The following DMTN variants were observed in gnomAD, a reference collection of about 807,000 sequenced individuals.
The protein encoded by DMTN is dematin.
A neutral mutation model predicts 59.4 loss-of-function variants in DMTN; 27 were observed. That is an observed-to-expected ratio of 0.45 (90% CI 0.33 to 0.63). The LOEUF is 0.63. Ranked by LOEUF, DMTN falls within the 20% of genes least tolerant of loss-of-function variation. The pLI, the probability that DMTN is intolerant of heterozygous loss-of-function variation, is 0.02. For synonymous variants in DMTN, 221 were observed against 203.7 expected (o/e 1.08, Z -0.72); for missense variants, 451 against 528.9 (o/e 0.85, Z 1.45).
Position 22,081,534 on chromosome 8 carries a change from G to A in DMTN, c.*71G>A, listed in dbSNP as rs1824296557. 5.7e-6 allele frequency: 8 copies of A among 1,406,170 alleles called. No homozygotes were observed. The South Asian group carries it at 5.8e-5, about 10-fold the overall frequency. The allele number at this position is 1,406,170 out of a possible 1,614,324, so 87.1% of individuals were successfully genotyped here. A position where few individuals can be genotyped will look rare whatever the true frequency, so the allele number is the denominator to read the frequency against. On this transcript the variant is annotated 3_prime_UTR_variant, in exon 16 of 16. Coordinates refer to ENST00000358242, the MANE Select transcript of DMTN (RefSeq NM_001387751.1). ...AGGGTTTTTCCCCGGCGGGTTGGGA[G>A]GGGCAGGAGGTGGGGTGGAAATAGG... is the stretch of plus-strand genomic sequence containing the variant.
At chr8:22,076,627 T>G (rs2131385998) in intron 10 of DMTN, among the ~76,000 whole-genome samples, 1 of 151,834 alleles carries the variant, frequency 6.6e-6, no homozygotes, top group South Asian at 2.1e-4. Flanking sequence ...ACTATATATA[T>G]ATATACACGA....
chr8:22,051,189 A>T (rs920224740), upstream of DMTN, among the ~76,000 whole-genome samples: 2 of 152,304 alleles, frequency 1.3e-5, no homozygotes, highest in South Asian at 4.1e-4. Context: ...GGATGTGACC[A>T]GGTGGAGGGA....
intron 1 of DMTN, among the ~76,000 whole-genome samples, chr8:22,061,282 C>CAAA (rs533576492): frequency 3.0e-5 from 2 of 66,528 alleles, no homozygotes; most frequent in African/African-American, 5.2e-5. Flanking sequence ...GACCCTGTCT[C>CAAA]AAAAAAAAAA....
At chr8:22,061,815 G>A (rs1343265313) in intron 1 of DMTN, among the ~76,000 whole-genome samples, 1 of 146,324 alleles carries the variant, frequency 6.8e-6, no homozygotes, top group African/African-American at 2.6e-5. Context: ...GTGCAGTGGT[G>A]TAATCATAGC....
rs778674264 is a variant in DMTN, at chr8:22,073,720, C to T, written c.730-10C>T. ...AAGTCTTGGCTCCATCTTCCTTTCT[C>T]CCTCCTCAGGTTACTTCCAACTTGG... is the stretch of plus-strand genomic sequence containing the variant. On this transcript the variant is annotated splice_polypyrimidine_tract_variant and intron_variant, in intron 9 of 15. Transcript: ENST00000358242. 2 of 1,599,058 alleles carry T rather than the reference C, an allele frequency of 1.3e-6. No individual in the cohort carries two copies. Among genetic ancestry groups the T allele is most frequent in the South Asian group, 2.2e-5 (2 of 90,784 alleles).
Position 22,081,873 on chromosome 8 carries a change from G to GAC in DMTN, c.*410_*411insAC. On this transcript the variant is annotated 3_prime_UTR_variant, in exon 16 of 16. Coordinates refer to ENST00000358242, the MANE Select transcript of DMTN (RefSeq NM_001387751.1). ...AGAAAGAGCTCCAGGCTCTTGTGTC[G>GAC]CCCACCCAGCCCTCCCATACTCACT... 1 of 460,766 alleles carries GAC rather than the reference G, an allele frequency of 2.2e-6. No homozygotes were observed. The highest frequency in any genetic ancestry group is 4.3e-6 in the Non-Finnish European group (1 of 230,124). 28.5% of individuals were successfully genotyped at this position (460,766 alleles called of 1,614,324 possible).
In DMTN at chr8:22,080,401, G is replaced by T. The variant is rs1259901357; in HGVS notation, c.901-11G>T. ...CCCCGACTGCCTCTGATTCCTTTGT[G>T]TCCTTTCTAGCTACAGTCCACAGAG... On this transcript the variant is annotated splice_polypyrimidine_tract_variant and intron_variant, in intron 11 of 15. Coordinates refer to ENST00000358242, the MANE Select transcript of DMTN (RefSeq NM_001387751.1). The T allele has an allele frequency of 6.2e-7, 1 of 1,614,240 alleles. No homozygotes were observed. Among genetic ancestry groups the T allele is most frequent in the East Asian group, 2.2e-5 (1 of 44,890 alleles).
At chr8:22,069,644 A>G in intron 6 of DMTN, 126 bp downstream of exon 6, 1 of 921,332 alleles carries the variant, frequency 1.1e-6, no homozygotes, top group Non-Finnish European at 1.6e-6. Flanking sequence ...AGGCCCCAGG[A>G]GGCCAGGACC....
At chr8:22,073,159 G>C (rs1030889185) in intron 9 of DMTN, among the ~76,000 whole-genome samples, 1 of 152,214 alleles carries the variant, frequency 6.6e-6, no homozygotes, top group Non-Finnish European at 1.5e-5. Context: ...CGCCGTGGTA[G>C]AGTTCTACCA....
chr8:22,057,694 A>G (rs62493961), intron 1 of DMTN, among the ~76,000 whole-genome samples: 2,039 of 152,298 alleles, frequency 0.013, 23 homozygotes, highest in Admixed American at 0.021. Flanking sequence ...GCCCAAGCCC[A>G]GTACTCCCCC....
rs186440756 is a variant in DMTN, at chr8:22,067,278, C to T, written c.93+119C>T. 1,472 of 1,235,734 alleles carry T rather than the reference C, an allele frequency of 1.2e-3. 4 individuals carry two copies. The highest frequency in any genetic ancestry group is 1.1e-3 in the Non-Finnish European group (967 of 888,894). 76.5% of individuals were successfully genotyped at this position (1,235,734 alleles called of 1,614,324 possible). A position where few individuals can be genotyped will look rare whatever the true frequency, so the allele number is the denominator to read the frequency against. ...CCAGTGGTGGTCCCTCCGGTGCTGG[C>T]GGGCAGAGAGAACCCAGAAACCCAG... On this transcript the variant is annotated intron_variant, in intron 3 of 15. Coordinates refer to ENST00000358242, the MANE Select transcript of DMTN (RefSeq NM_001387751.1).
chr8:22,051,327 G>A (rs1430308504), upstream of DMTN, among the ~76,000 whole-genome samples: 1 of 152,164 alleles, frequency 6.6e-6, no homozygotes, highest in Non-Finnish European at 1.5e-5. Context: ...GCCAGACGAG[G>A]CAGAGGGGAG....
In DMTN at chr8:22,073,828, C is replaced by G; in HGVS notation, c.828C>G (p.Phe276Leu). 6.2e-7 allele frequency: 1 copy of G among 1,613,904 alleles called. No individual in the cohort carries two copies. The highest frequency in any genetic ancestry group is 8.5e-7 in the Non-Finnish European group (1 of 1,179,864). The change falls in exon 10 of 16, where the codon TTC becomes TTG. Residue 276 changes from phenylalanine (F) to leucine (L), a missense_variant. Physicochemically the swap from Phe to Leu is conservative, Grantham distance 22. Coordinates refer to ENST00000358242, the MANE Select transcript of DMTN (RefSeq NM_001387751.1). Reference protein sequence around the residue: ...KTRSLPDRTPFHTSLHQGTSK... With the variant: ...KTRSLPDRTPLHTSLHQGTSK... Reference sequence around the variant, plus strand: ...GCTCTCTGCCTGACCGGACACCCTTCCATACCTGTGAGTGCTGTGGAGGGG... The same window carrying G: ...GCTCTCTGCCTGACCGGACACCCTTGCATACCTGTGAGTGCTGTGGAGGGG...
At chr8:22,061,951 C>G (rs1405264066) in intron 1 of DMTN, among the ~76,000 whole-genome samples, 1 of 151,444 alleles carries the variant, frequency 6.6e-6, no homozygotes, top group Non-Finnish European at 1.5e-5. Flanking sequence ...AAAGACAGGG[C>G]TCACTATATT....
At chr8:22,064,528 G>A (rs987441515) in intron 1 of DMTN, among the ~76,000 whole-genome samples, 8 of 151,836 alleles carry the variant, frequency 5.3e-5, no homozygotes, top group Admixed American at 1.3e-4. Context: ...GGACAATCTC[G>A]GCTCACTGCA....
chr8:22,081,491 C>G lies in DMTN; in HGVS notation c.*28C>G. The stretch of plus-strand genomic sequence containing the variant: ...GCCCCCACCTGCTCCGGGACGGCCC[C>G]CTTACCCCTGCTGCTTCAGGGTTTT... On this transcript the variant is annotated 3_prime_UTR_variant, in exon 16 of 16. Coordinates refer to ENST00000358242, the MANE Select transcript of DMTN (RefSeq NM_001387751.1). The G allele has an allele frequency of 6.3e-7, 1 of 1,597,100 alleles. No homozygotes were observed. Among genetic ancestry groups the G allele is most frequent in the Non-Finnish European group, 8.6e-7 (1 of 1,164,746 alleles).
upstream of DMTN, among the ~76,000 whole-genome samples, chr8:22,051,884 TC>T (rs1368101611): frequency 5.3e-5 from 8 of 152,130 alleles, no homozygotes; most frequent in Non-Finnish European, 1.5e-5. Context: ...CGCCACACTA[TC>T]CCGGCCAAAC....
intron 15 of DMTN, 66 bp downstream of exon 15, chr8:22,081,259 G>T: frequency 6.2e-7 from 1 of 1,606,502 alleles, no homozygotes; most frequent in Non-Finnish European, 8.5e-7. Flanking sequence ...CCTGGGGGAA[G>T]ATCTGGGGCC....
intron 5 of DMTN, 123 bp downstream of exon 5, chr8:22,069,183 G>C: frequency 8.7e-7 from 1 of 1,155,472 alleles, no homozygotes. Flanking sequence ...GCGGCCCCCT[G>C]GCTGTCACTG....
Sources: allele counts gnomAD v4.1 joint callset (sites outside exome capture counted in the v4.1 genomes callset), GRCh38; gene constraint gnomAD v4.1.1; transcripts MANE v1.5; gene names NCBI Gene and HGNC (gene_info 2026-07-23, HGNC 2026-07-21).